HSP90AA1: variants seen among roughly 807,000 people sequenced by gnomAD.
HSP90AA1 encodes the protein heat shock protein 90 alpha family class A member 1, also known as heat shock protein HSP 90-alpha.
A neutral mutation model predicts 73.3 loss-of-function variants in HSP90AA1; 18 were observed. That is an observed-to-expected ratio of 0.25 (90% confidence interval 0.17 to 0.36). HSP90AA1 has a LOEUF of 0.36. Ranked by LOEUF, HSP90AA1 falls within the 10% of genes least tolerant of loss-of-function variation. The pLI is 1.00. For synonymous variants in HSP90AA1, 477 were observed against 296.9 expected, an observed-to-expected ratio of 1.61 and a Z score of -6.24; for missense variants, 704 against 874.2, an observed-to-expected ratio of 0.81 and a Z score of 2.45.
At chr14:102,083,409 A>G (rs1332430684) in intron 8 of HSP90AA1, 107 bp from the exon 9 acceptor site, 1 of 1,442,438 alleles carries the variant, frequency 6.9e-7, no homozygotes, top group Non-Finnish European at 9.7e-7. Flanking sequence ...CTAAGACAGA[A>G]AATGACCTAG....
Position 102,081,824 on chromosome 14 carries a change from G to T in HSP90AA1, c.2090-3C>A. 7.3e-7 allele frequency: 1 copy of T among 1,367,592 alleles called. No individual in the cohort carries two copies. The highest frequency in any genetic ancestry group is 1.0e-6 in the Non-Finnish European group (1 of 955,712). 84.7% of individuals were successfully genotyped at this position (1,367,592 alleles called of 1,614,324 possible). A position where few individuals can be genotyped will look rare whatever the true frequency, so the allele number is the denominator to read the frequency against. The stretch of plus-strand genomic sequence containing the variant: ...AGTAGGGTCATCTTCATCAATACCT[G>T]TTTCCAAAATAAAATCCTCATATTA... On this transcript the variant is annotated splice_polypyrimidine_tract_variant and splice_region_variant and intron_variant, in intron 10 of 10. Coordinates refer to ENST00000216281, the MANE Select transcript of HSP90AA1 (RefSeq NM_005348.4).
rs141458117 is a variant in HSP90AA1, at chr14:102,133,174, G to A, written c.155+6076C>T. 3.8e-3 allele frequency among the ~76,000 whole-genome samples: 578 copies of A among 151,662 alleles called. 8 individuals are homozygous for A. The East Asian group carries it at 0.048, about 13-fold the overall frequency. On this transcript the variant is annotated intron_variant, in intron 1 of 11. Coordinates refer to the HSP90AA1 transcript ENST00000334701. ...AGGCGCCTGTAGTCCCAGCTACCCA[G>A]GAGGCTGAGGCAGGAGAATCGCTTG...
intron 1 of HSP90AA1, among the ~76,000 whole-genome samples, chr14:102,123,545 TTC>T (rs2049805056): frequency 6.6e-6 from 1 of 152,122 alleles, no homozygotes; most frequent in African/African-American, 2.4e-5. Context: ...GGTTTTTTTT[TTC>T]TTTTTTTTTT....
upstream of HSP90AA1, chr14:102,139,703 GA>G: frequency 1.4e-6 from 1 of 702,792 alleles, no homozygotes; most frequent in Middle Eastern, 4.0e-4. Context: ...GGAGCCTGCG[GA>G]CGCCCAGTCG....
chr14:102,093,300 A>G (rs892105475), intron 2 of HSP90AA1, among the ~76,000 whole-genome samples: 10 of 151,142 alleles, frequency 6.6e-5, no homozygotes, highest in Non-Finnish European at 1.5e-4. Context: ...CACAAGGTCA[A>G]GAGATTGAGA....
intron 1 of HSP90AA1, among the ~76,000 whole-genome samples, chr14:102,134,670 G>A (rs576204178): frequency 1.3e-5 from 2 of 152,178 alleles, no homozygotes; most frequent in East Asian, 1.9e-4. Context: ...CGTTCCTCCC[G>A]GTGGGCTCGT....
chr14:102,115,349 A>C (rs2049693203), intron 1 of HSP90AA1, among the ~76,000 whole-genome samples: 1 of 152,036 alleles, frequency 6.6e-6, no homozygotes, highest in African/African-American at 2.4e-5. Context: ...TTTTACAAAA[A>C]ATAAACCTTA....
In HSP90AA1 at chr14:102,081,588, T is replaced by C. The variant is rs1157696958; in HGVS notation, c.*124A>G. 1.4e-6 allele frequency: 1 copy of C among 697,782 alleles called. No individual in the cohort carries two copies. Among genetic ancestry groups the C allele is most frequent in the Non-Finnish European group, 2.6e-6 (1 of 379,336 alleles). The allele number at this position is 697,782 out of a possible 1,614,324, so 43.2% of individuals were successfully genotyped here. A position where few individuals can be genotyped will look rare whatever the true frequency, so the allele number is the denominator to read the frequency against. On this transcript the variant is annotated 3_prime_UTR_variant, in exon 11 of 11. Coordinates refer to ENST00000216281, the MANE Select transcript of HSP90AA1 (RefSeq NM_005348.4). ...GTAGACAGAAATCTTATCTTCCCCT[T>C]AAAGTAGTTGTCATGCCATACAGAC...
chr14:102,093,147 C>T (rs2049380395), intron 2 of HSP90AA1, among the ~76,000 whole-genome samples: 1 of 150,672 alleles, frequency 6.6e-6, no homozygotes, highest in Admixed American at 6.6e-5. Flanking sequence ...GTGGTTCATA[C>T]TTAGGAAAGA....
At chr14:102,124,327 G>A (rs1306858740) in intron 1 of HSP90AA1, among the ~76,000 whole-genome samples, 2 of 150,908 alleles carry the variant, frequency 1.3e-5, no homozygotes, top group Non-Finnish European at 3.0e-5. Context: ...ACATAGCTGG[G>A]ATTACAGGTG....
At chr14:102,116,302 C>T (rs2049706140) in intron 1 of HSP90AA1, among the ~76,000 whole-genome samples, 1 of 152,146 alleles carries the variant, frequency 6.6e-6, no homozygotes, top group Non-Finnish European at 1.5e-5. Flanking sequence ...CTGTTTTGTT[C>T]CTGTTTGCTC....
intron 1 of HSP90AA1, among the ~76,000 whole-genome samples, chr14:102,086,646 G>A (rs2049246114): frequency 6.6e-6 from 1 of 150,956 alleles, no homozygotes; most frequent in Non-Finnish European, 1.5e-5. Context: ...GTGCCCTCCC[G>A]CGCGGGCTGC....
upstream of HSP90AA1, among the ~76,000 whole-genome samples, chr14:102,088,116 AC>A (rs1467310054): frequency 2.0e-5 from 3 of 150,872 alleles, no homozygotes; most frequent in Non-Finnish European, 4.4e-5. Flanking sequence ...AGGCGCGGAC[AC>A]CACACCTGTC....
upstream of HSP90AA1, chr14:102,139,718 GGAGCACGCCAGGT>G: frequency 3.9e-6 from 3 of 766,972 alleles, no homozygotes; most frequent in Non-Finnish European, 6.1e-6. Context: ...CCAGTCGGGT[GGAGCACGCCAGGT>G]GAGCACGCCT....
rs148302466 is a variant in HSP90AA1, at chr14:102,093,111, A to C, written c.367-6733T>G. ...GAAAGTTGAAGAAATGTTCAGGATC[A>C]ACCTATAGTTATATAGGAAAATTAA... is the stretch of plus-strand genomic sequence containing the variant. On this transcript the variant is annotated intron_variant, in intron 2 of 11. Coordinates refer to the HSP90AA1 transcript ENST00000334701. 3.6e-3 allele frequency among the ~76,000 whole-genome samples: 548 copies of C among 152,214 alleles called. 4 individuals carry two copies. The highest frequency in any genetic ancestry group is 7.5e-3 in the South Asian group (36 of 4,824).
At chr14:102,139,633 T>C (rs1383820890) in exon 1 of HSP90AA1, 2 of 641,064 alleles carry the variant, frequency 3.1e-6, no homozygotes, top group Middle Eastern at 4.3e-4. Context: ...TAGACCCCAC[T>C]AGCTGAAGCC....
At chr14:102,087,589 A>G (rs2049278028), upstream of HSP90AA1, among the ~76,000 whole-genome samples, 2 of 152,186 alleles carry the variant, frequency 1.3e-5, no homozygotes, top group South Asian at 4.1e-4. Flanking sequence ...GCCCGCTGCC[A>G]AAGAATCCAG....
intron 1 of HSP90AA1, among the ~76,000 whole-genome samples, chr14:102,137,558 C>T (rs899388072): frequency 8.6e-5 from 13 of 151,846 alleles, no homozygotes; most frequent in African/African-American, 4.8e-5. Context: ...CTCCTGACCT[C>T]GTGATCTGCC....
intron 1 of HSP90AA1, among the ~76,000 whole-genome samples, chr14:102,139,014 G>A (rs952034139): frequency 5.3e-5 from 8 of 152,086 alleles, no homozygotes; most frequent in African/African-American, 1.9e-4. Context: ...TACTGAGCAA[G>A]ATCAGTGAAT....
Sources: allele counts gnomAD v4.1 joint callset (sites outside exome capture counted in the v4.1 genomes callset), GRCh38; gene constraint gnomAD v4.1.1; transcripts MANE v1.5; gene names NCBI Gene and HGNC (gene_info 2026-07-23, HGNC 2026-07-21).